AGPS: variants seen among roughly 807,000 people sequenced by gnomAD.
AGPS encodes the protein alkylglycerone phosphate synthase, also known as alkyldihydroxyacetonephosphate synthase, peroxisomal.
Under a neutral mutation model 90.7 loss-of-function variants are expected in AGPS, and 26 were observed. That is an observed-to-expected ratio of 0.29 (90% confidence interval 0.21 to 0.40). AGPS has a LOEUF of 0.40. Among genes scored for constraint, AGPS ranks in the 10% least tolerant of loss-of-function variants. The pLI is 1.00. For missense variants in AGPS, 540 were observed against 816.1 expected, an observed-to-expected ratio of 0.66 and a Z score of 4.12; for synonymous variants, 294 against 285.3, an observed-to-expected ratio of 1.03 and a Z score of -0.31.
At chr2:177,516,097 T>C (rs1316544000) in intron 17 of AGPS, among the ~76,000 whole-genome samples, 2 of 152,160 alleles carry the variant, frequency 1.3e-5, no homozygotes, top group African/African-American at 4.8e-5. Context: ...AACGTGTGCA[T>C]AGACCCCCAT....
chr2:177,445,552 A>G lies in AGPS; in HGVS notation c.796A>G (p.Ile266Val), dbSNP rs1686745400. Residue 266 changes from isoleucine to valine, a missense_variant, in exon 8 of 20, where the codon ATT becomes GTT. By Grantham distance (29) the Ile-to-Val change is conservative. Around this residue, in one of 2 missense-constraint regions of AGPS, gnomAD observed 405 missense variants for 692.1 expected, o/e 0.59. Coordinates refer to ENST00000264167, the MANE Select transcript of AGPS (RefSeq NM_003659.4). ...CTTTCTTCCTTTGCAACAGAATCGA[A>G]TTCTCTGGGTTGATGAGAACAATTT... ...ISLDTSQMNR[I>V]LWVDENNLTA... is the part of the protein sequence containing the mutation. 2 of 1,613,614 alleles carry G rather than the reference A, an allele frequency of 1.2e-6. No homozygotes were observed. Among genetic ancestry groups the G allele is most frequent in the African/African-American group, 2.7e-5 (2 of 75,064 alleles).
At chr2:177,420,462 C>T (rs1171381684) in intron 2 of AGPS, 104 bp downstream of exon 2, 2 of 853,816 alleles carry the variant, frequency 2.3e-6, no homozygotes, top group Admixed American at 3.8e-5. Flanking sequence ...TGAGTTTAAA[C>T]ATTATCAACA....
intron 1 of AGPS, among the ~76,000 whole-genome samples, chr2:177,418,708 T>C (rs942535235): frequency 6.6e-6 from 1 of 151,782 alleles, no homozygotes; most frequent in African/African-American, 2.4e-5. Flanking sequence ...GTGAAGATAA[T>C]TTAATCATGA....
chr2:177,473,456 A>G (rs1687685924), intron 10 of AGPS, among the ~76,000 whole-genome samples: 1 of 152,286 alleles, frequency 6.6e-6, no homozygotes, highest in East Asian at 1.9e-4. Context: ...TCTGAAGTTT[A>G]TTGACACTAT....
chr2:177,436,620 A>T, intron 3 of AGPS, 144 bp from the exon 4 acceptor site: 1 of 723,046 alleles, frequency 1.4e-6, no homozygotes, highest in Non-Finnish European at 2.3e-6. Context: ...TGATTTCTAT[A>T]TATGTTGTGT....
At chr2:177,489,998 T>C (rs1688203331) in intron 11 of AGPS, among the ~76,000 whole-genome samples, 1 of 152,198 alleles carries the variant, frequency 6.6e-6, no homozygotes, top group Non-Finnish European at 1.5e-5. Flanking sequence ...AATTTAGAGC[T>C]CAAATTCTCA....
Position 177,543,284 on chromosome 2 carries a change from C to G in AGPS, c.*5089C>G, listed in dbSNP as rs1042232859. ...GGTTTCTATTCCTAATATTGTGTGTCAGTCCTTTTTCGTGTGATGGTGCCT... is the reference window on the plus strand; with the variant it reads ...GGTTTCTATTCCTAATATTGTGTGTGAGTCCTTTTTCGTGTGATGGTGCCT... On this transcript the variant is annotated 3_prime_UTR_variant, in exon 20 of 20. Transcript: ENST00000264167. The G allele has an allele frequency of 2.6e-5, 4 of 152,152 alleles. No homozygotes were observed. Among genetic ancestry groups the G allele is most frequent in the African/African-American group, 9.7e-5 (4 of 41,428 alleles). 9.4% of individuals were successfully genotyped at this position (152,152 alleles called of 1,614,324 possible). A position where few individuals can be genotyped will look rare whatever the true frequency, so the allele number is the denominator to read the frequency against.
Position 177,420,467 on chromosome 2 carries a change from T to G in AGPS, c.350+109T>G, listed in dbSNP as rs1685912258. 3.5e-6 allele frequency: 3 copies of G among 847,676 alleles called. No homozygotes were observed. In the East Asian group the frequency reaches 7.6e-5, roughly 22 times the overall value. 52.5% of individuals were successfully genotyped at this position (847,676 alleles called of 1,614,324 possible). A position where few individuals can be genotyped will look rare whatever the true frequency, so the allele number is the denominator to read the frequency against. ...GATTCCTCCTTGAGTTTAAACATTATCAACATTTTGCCATAACTGCTTTTT... is the reference window on the plus strand; with the variant it reads ...GATTCCTCCTTGAGTTTAAACATTAGCAACATTTTGCCATAACTGCTTTTT... On this transcript the variant is annotated intron_variant, in intron 2 of 19. Coordinates refer to ENST00000264167, the MANE Select transcript of AGPS (RefSeq NM_003659.4).
intron 17 of AGPS, among the ~76,000 whole-genome samples, chr2:177,517,508 T>C (rs987621269): frequency 7.9e-5 from 12 of 152,148 alleles, no homozygotes; most frequent in African/African-American, 2.7e-4. Context: ...TCGAGGGAGT[T>C]TGGAAAACTT....
chr2:177,481,343 AAAG>A (rs1447452748), intron 10 of AGPS, among the ~76,000 whole-genome samples: 1 of 151,972 alleles, frequency 6.6e-6, no homozygotes, highest in Admixed American at 6.5e-5. Context: ...ATAATAAAGA[AAAG>A]AGCATTTCTT....
rs1163903373 is a variant in AGPS, at chr2:177,513,830, T to G, written c.1619T>G (p.Leu540Arg). 1 of 1,611,766 alleles carries G rather than the reference T, an allele frequency of 6.2e-7. No homozygotes were observed. Among genetic ancestry groups the G allele is most frequent in the Non-Finnish European group, 8.5e-7 (1 of 1,178,238 alleles). The part of the protein sequence containing the change: ...TSAPWDRVVD[L>R]CRNVKERITR... The stretch of plus-strand genomic sequence containing the variant: ...TTATCTTTTTTTAGGGTGGTAGATC[T>G]CTGTAGAAATGTAAAAGAAAGAATA... Residue 540 changes from leucine to arginine, a missense_variant, in exon 17 of 20, where the codon CTC (leucine) becomes CGC (arginine). By Grantham distance (102) the Leu-to-Arg change is moderately radical. Coordinates refer to ENST00000264167, the MANE Select transcript of AGPS (RefSeq NM_003659.4).
At chr2:177,489,443 G>A (rs561837061) in intron 11 of AGPS, among the ~76,000 whole-genome samples, 3 of 151,888 alleles carry the variant, frequency 2.0e-5, no homozygotes, top group Non-Finnish European at 4.4e-5. Flanking sequence ...TTAAGTTAGT[G>A]CAGAGAGTAC....
At chr2:177,418,839 TG>T (rs1199540276) in intron 1 of AGPS, among the ~76,000 whole-genome samples, 2 of 151,772 alleles carry the variant, frequency 1.3e-5, no homozygotes, top group African/African-American at 4.8e-5. Context: ...TGTGTGTCAC[TG>T]GTAACATTAG....
At chr2:177,435,572 C>CA (rs1273586916) in intron 3 of AGPS, among the ~76,000 whole-genome samples, 1 of 151,894 alleles carries the variant, frequency 6.6e-6, no homozygotes, top group Non-Finnish European at 1.5e-5. Flanking sequence ...TGCACAGGGT[C>CA]AAAATTTTTT....
At chr2:177,491,152 C>G (rs1351262275) in intron 11 of AGPS, among the ~76,000 whole-genome samples, 1 of 152,030 alleles carries the variant, frequency 6.6e-6, no homozygotes, top group African/African-American at 2.4e-5. Flanking sequence ...CCATACCCAG[C>G]CTAGGTTGCA....
At chr2:177,402,768 G>A (rs1421496889) in intron 1 of AGPS, among the ~76,000 whole-genome samples, 2 of 152,034 alleles carry the variant, frequency 1.3e-5, no homozygotes, top group Non-Finnish European at 2.9e-5. Flanking sequence ...TTGAAACTTC[G>A]TCTACTGGCT....
chr2:177,461,073 T>C (rs2105665005), intron 8 of AGPS, among the ~76,000 whole-genome samples: 1 of 152,362 alleles, frequency 6.6e-6, no homozygotes, highest in South Asian at 2.1e-4. Context: ...GTTGCTTAAC[T>C]GGATGACTAT....
intron 10 of AGPS, among the ~76,000 whole-genome samples, chr2:177,475,458 C>CG (rs1687755229): frequency 6.6e-6 from 1 of 152,122 alleles, no homozygotes; most frequent in South Asian, 2.1e-4. Flanking sequence ...TTCCTCCTTC[C>CG]AGCTCCCCAG....
chr2:177,522,706 G>T (rs1689234350), intron 18 of AGPS, among the ~76,000 whole-genome samples: 1 of 152,086 alleles, frequency 6.6e-6, no homozygotes, highest in Admixed American at 6.5e-5. Flanking sequence ...CACCCACCTT[G>T]GCCTCCCAAA....
Sources: allele counts gnomAD v4.1 joint callset (sites outside exome capture counted in the v4.1 genomes callset), GRCh38; gene constraint gnomAD v4.1.1; regional missense constraint gnomAD v4.1.1; transcripts MANE v1.5; gene names NCBI Gene and HGNC (gene_info 2026-07-23, HGNC 2026-07-21).